Variants in CDC123 observed in about 807,000 individuals in gnomAD.
CDC123 encodes translation initiation factor eIF2 assembly protein.
In CDC123, 37 loss-of-function variants were observed where a neutral mutation model predicts 54.4. That is an observed-to-expected ratio of 0.68 (90% CI 0.52 to 0.89). The LOEUF is 0.89. Among genes scored for constraint, CDC123 ranks in the 40% least tolerant of loss-of-function variants. The pLI is 0.00. For missense variants in CDC123, 361 were observed against 412.1 expected (o/e 0.88, Z 1.07); for synonymous variants, 144 against 136.8 (o/e 1.05, Z -0.37).
intron 6 of CDC123, among the ~76,000 whole-genome samples, chr10:12,227,103 A>C (rs1206963281): frequency 1.3e-5 from 2 of 152,156 alleles, no homozygotes; most frequent in Non-Finnish European, 2.9e-5. Context: ...AAAAAATACG[A>C]AAACCAGTCA....
At position 12,198,915 on chromosome 10, in the gene CDC123, A is replaced by T. The variant is rs904294807; in HGVS notation, c.146+139A>T. On this transcript the variant is annotated intron_variant, in intron 2 of 12. Transcript: ENST00000281141. ...AATGATGTGCTGATCTTTGTCTCAT[A>T]TTCCTTCTCAATGTTCACTTAATAT... The T allele has an allele frequency of 1.2e-5, 7 of 586,448 alleles. No homozygotes were observed. The East Asian group carries it at 2.1e-4, about 18-fold the overall frequency. 36.3% of individuals were successfully genotyped at this position (586,448 alleles called of 1,614,324 possible).
chr10:12,206,046 C>T (rs909631343), intron 2 of CDC123, among the ~76,000 whole-genome samples: 4 of 152,186 alleles, frequency 2.6e-5, no homozygotes, highest in Non-Finnish European at 4.4e-5. Flanking sequence ...ATGATCCACC[C>T]GCCTTGGCCT....
chr10:12,209,962 T>C lies in CDC123; in HGVS notation c.147-5T>C. 1 of 1,614,166 alleles carries C rather than the reference T, an allele frequency of 6.2e-7. No individual in the cohort carries two copies. Among genetic ancestry groups the C allele is most frequent in the Non-Finnish European group, 8.5e-7 (1 of 1,179,994 alleles). The stretch of plus-strand genomic sequence containing the variant: ...CTTTCTTGATGTTTGTTTGTGTTTT[T>C]TTAGGGATGATCCACCAACACATTC... On this transcript the variant is annotated splice_polypyrimidine_tract_variant and splice_region_variant and intron_variant, in intron 2 of 12. Coordinates refer to ENST00000281141, the MANE Select transcript of CDC123 (RefSeq NM_006023.3).
intron 4 of CDC123, among the ~76,000 whole-genome samples, chr10:12,213,179 T>C (rs985796111): frequency 1.3e-5 from 2 of 152,214 alleles, no homozygotes; most frequent in African/African-American, 4.8e-5. Flanking sequence ...TTTCTAAGTA[T>C]CTTCACCCAA....
chr10:12,240,752 C>T (rs559343793), intron 10 of CDC123, among the ~76,000 whole-genome samples: 2 of 116,618 alleles, frequency 1.7e-5, no homozygotes, highest in African/African-American at 2.6e-5. Flanking sequence ...GCCTGTAGCC[C>T]CAGCTACTCC....
chr10:12,199,448 C>T (rs1343600102), intron 2 of CDC123, among the ~76,000 whole-genome samples: 1 of 152,168 alleles, frequency 6.6e-6, no homozygotes. Context: ...CTTACTTCCA[C>T]CTGACAATTG....
intron 2 of CDC123, among the ~76,000 whole-genome samples, chr10:12,202,373 C>G (rs957477124): frequency 6.6e-6 from 1 of 152,078 alleles, no homozygotes; most frequent in Non-Finnish European, 1.5e-5. Context: ...ACCGTTTTTC[C>G]TCTGCTCTCA....
chr10:12,231,740 A>G (rs1215491003), intron 7 of CDC123, among the ~76,000 whole-genome samples: 1 of 152,176 alleles, frequency 6.6e-6, no homozygotes, highest in Non-Finnish European at 1.5e-5. Context: ...CCTAGTTTTG[A>G]AAGTATACAC....
At chr10:12,220,925 T>G (rs533502016) in intron 6 of CDC123, among the ~76,000 whole-genome samples, 1 of 151,254 alleles carries the variant, frequency 6.6e-6, no homozygotes, top group South Asian at 2.1e-4. Flanking sequence ...TGCAGTGAGC[T>G]GAGATCGCGC....
At chr10:12,248,099 C>T (rs1399068442) in intron 11 of CDC123, among the ~76,000 whole-genome samples, 2 of 152,124 alleles carry the variant, frequency 1.3e-5, no homozygotes, top group East Asian at 1.9e-4. Context: ...TGATACATAA[C>T]GTGCATTTAA....
intron 6 of CDC123, among the ~76,000 whole-genome samples, chr10:12,228,421 T>C (rs1835856870): frequency 1.3e-5 from 2 of 151,876 alleles, no homozygotes; most frequent in Admixed American, 1.3e-4. Flanking sequence ...TTTTTTTTTT[T>C]TTGAAACGGT....
chr10:12,243,093 G>A (rs566371836), intron 10 of CDC123, among the ~76,000 whole-genome samples: 1 of 149,488 alleles, frequency 6.7e-6, no homozygotes, highest in South Asian at 2.2e-4. Flanking sequence ...GTGGTGGTTT[G>A]TTTTCATTTA....
chr10:12,198,393 T>G lies in CDC123; in HGVS notation c.75-312T>G, dbSNP rs150508097. Among the ~76,000 whole-genome samples, 177 of 152,336 alleles carry G rather than the reference T, an allele frequency of 1.2e-3. 1 individual carries two copies. The highest frequency in any genetic ancestry group is 4.1e-3 in the African/African-American group (171 of 41,576). ...CAGCAAATATCTGCTGGTCTCTGAT[T>G]TCTTAAAGACACATAAATGTTGTGC... On this transcript the variant is annotated intron_variant, in intron 1 of 12. Transcript: ENST00000281141.
intron 4 of CDC123, among the ~76,000 whole-genome samples, chr10:12,211,909 A>T (rs1273483459): frequency 6.6e-6 from 1 of 152,158 alleles, no homozygotes; most frequent in Non-Finnish European, 1.5e-5. Context: ...CAACATGGTG[A>T]AACCCCGTCT....
At chr10:12,210,949 G>A (rs979056967) in intron 4 of CDC123, among the ~76,000 whole-genome samples, 3 of 152,036 alleles carry the variant, frequency 2.0e-5, no homozygotes, top group Non-Finnish European at 2.9e-5. Context: ...GATAACACCC[G>A]CCTCGGCCTC....
chr10:12,210,938 TGATAA>T (rs1835589881), intron 4 of CDC123, among the ~76,000 whole-genome samples: 1 of 152,122 alleles, frequency 6.6e-6, no homozygotes, highest in Non-Finnish European at 1.5e-5. Flanking sequence ...TGACCTCATG[TGATAA>T]CACCCGCCTC....
At chr10:12,241,909 G>C (rs1320544239) in intron 10 of CDC123, among the ~76,000 whole-genome samples, 2 of 152,158 alleles carry the variant, frequency 1.3e-5, no homozygotes, top group East Asian at 3.8e-4. Context: ...GCTGCTAGGA[G>C]ACCCTCCCAC....
chr10:12,250,425 CG>C lies in CDC123; in HGVS notation c.*91del. ...CCGCAACTTCCTGCCGACCCTGATG[CG>C]GGTGGGCCGAGCAGTGTGGACATCA... On this transcript the variant is annotated 3_prime_UTR_variant, in exon 13 of 13. Coordinates refer to ENST00000281141, the MANE Select transcript of CDC123 (RefSeq NM_006023.3). The C allele has an allele frequency of 1.0e-6, 1 of 994,492 alleles. No homozygotes were observed. 61.6% of individuals were successfully genotyped at this position (994,492 alleles called of 1,614,324 possible).
In CDC123 at chr10:12,217,952, G is replaced by A. The variant is rs1487703633; in HGVS notation, c.440+485G>A. On this transcript the variant is annotated intron_variant, in intron 6 of 12. Transcript: ENST00000281141. ...AAAATACAAAAAATTAGCCGGGCGT[G>A]GTGGCACGTGCCTATAGTCTCAGCT... Among the ~76,000 whole-genome samples, 4 of 152,226 alleles carry A rather than the reference G, an allele frequency of 2.6e-5. No individual in the cohort carries two copies. The East Asian group carries it at 7.8e-4, about 30-fold the overall frequency.
Sources: gnomAD v4.1 joint callset for allele counts (sites outside exome capture counted in the v4.1 genomes callset) on GRCh38, gnomAD v4.1.1 for gene constraint, MANE v1.5 for transcripts, NCBI Gene and HGNC (gene_info 2026-07-23, HGNC 2026-07-21) for gene names.